Variants in CDC73 observed in about 807,000 individuals in gnomAD.
CDC73 encodes the protein cell division cycle 73, also known as parafibromin.
A neutral mutation model predicts 83.7 loss-of-function variants in CDC73; 21 were observed. The ratio of observed to expected loss-of-function variants is 0.25; its 90% CI spans 0.18 to 0.36. The LOEUF is 0.36. Among genes scored for constraint, CDC73 ranks in the 10% least tolerant of loss-of-function variants. The probability of loss-of-function intolerance (pLI) is 1.00; values close to 1 mark genes in which losing one functional copy is unlikely to be tolerated. For synonymous variants in CDC73, 224 were observed against 212.9 expected, an observed-to-expected ratio of 1.05 and a Z score of -0.45; for missense variants, 342 against 653.3, an observed-to-expected ratio of 0.52 and a Z score of 5.19.
rs181808964 is a variant in CDC73 at position 193,219,538 on chromosome 1, A to T, written c.1154+7061A>T. Among the ~76,000 whole-genome samples the T allele has an allele frequency of 1.5e-3, 226 of 152,322 alleles. 1 individual carries two copies. Among genetic ancestry groups the T allele is most frequent in the African/African-American group, 4.7e-3 (196 of 41,578 alleles). On this transcript the variant is annotated intron_variant, in intron 13 of 16. Transcript: ENST00000367435. ...TTGGATAAAGAAATCTGGTACATAC[A>T]TGCCACGGAATACTATGCAGCCATA...
chr1:193,165,965 G>A (rs1676427917), intron 10 of CDC73, among the ~76,000 whole-genome samples: 1 of 152,150 alleles, frequency 6.6e-6, no homozygotes, highest in Admixed American at 6.5e-5. Context: ...GTTATGCCTT[G>A]TAATTTTAGG....
rs905879297 is a variant in CDC73, at chr1:193,251,395, G to A, written c.*683G>A. ...TTCTATCTGTAATATCTTTCCATTT[G>A]AAAAAAATCTCAAAACACAGATTAA... is the stretch of plus-strand genomic sequence containing the variant. On this transcript the variant is annotated 3_prime_UTR_variant, in exon 17 of 17. Coordinates refer to ENST00000367435, the MANE Select transcript of CDC73 (RefSeq NM_024529.5). 1.1e-4 allele frequency: 26 copies of A among 231,560 alleles called. No individual in the cohort carries two copies. The highest frequency in any genetic ancestry group is 1.8e-4 in the Non-Finnish European group (21 of 116,850). 14.3% of individuals were successfully genotyped at this position (231,560 alleles called of 1,614,324 possible). A position where few individuals can be genotyped will look rare whatever the true frequency, so the allele number is the denominator to read the frequency against.
chr1:193,220,619 T>C (rs1435567231), intron 13 of CDC73, among the ~76,000 whole-genome samples: 1 of 152,210 alleles, frequency 6.6e-6, no homozygotes, highest in Non-Finnish European at 1.5e-5. Flanking sequence ...AAAATCTAGG[T>C]ATCCCGGCAC....
At chr1:193,250,440 C>G (rs1371223323) in intron 16 of CDC73, among the ~76,000 whole-genome samples, 1 of 151,758 alleles carries the variant, frequency 6.6e-6, no homozygotes, top group African/African-American at 2.4e-5. Context: ...GTGCAAGTCT[C>G]TCATATCTGT....
intron 10 of CDC73, among the ~76,000 whole-genome samples, chr1:193,158,123 A>T (rs965738016): frequency 7.1e-6 from 1 of 139,912 alleles, no homozygotes; most frequent in Admixed American, 7.1e-5. Context: ...ATTGTTAATG[A>T]TATAATTTTC....
rs532443577 is a variant in CDC73, at chr1:193,199,804, T to A, written c.973-3991T>A. On this transcript the variant is annotated intron_variant, in intron 10 of 16. Transcript: ENST00000367435. ...GAATTCATAGGAATAAGTTACTTTT[T>A]AAAATAAAGGTAAAAGCATTCAAGG... Among the ~76,000 whole-genome samples, 15 of 152,226 alleles carry A rather than the reference T, an allele frequency of 9.9e-5. No homozygotes were observed. The East Asian group carries it at 2.9e-3, about 29-fold the overall frequency.
intron 11 of CDC73, among the ~76,000 whole-genome samples, chr1:193,204,205 GTGTATATATATGTATATATA>G (rs10547632): frequency 1.1e-3 from 15 of 13,972 alleles, no homozygotes; most frequent in Non-Finnish European, 2.0e-3. Context: ...ATATATATAC[GTGTATATATATGTATATATA>G]TGTATATATA....
At chr1:193,124,080 A>G (rs1675519298) in intron 1 of CDC73, among the ~76,000 whole-genome samples, 1 of 152,282 alleles carries the variant, frequency 6.6e-6, no homozygotes, top group Non-Finnish European at 1.5e-5. Flanking sequence ...TTAAAGGCAT[A>G]AAGAACTGGA....
At chr1:193,169,984 T>G (rs1007769087) in intron 10 of CDC73, among the ~76,000 whole-genome samples, 9 of 152,164 alleles carry the variant, frequency 5.9e-5, no homozygotes, top group Non-Finnish European at 1.3e-4. Flanking sequence ...GTATGTGTGA[T>G]TCCCCTCTAT....
chr1:193,234,175 TCACACACA>T (rs71111461), intron 14 of CDC73, among the ~76,000 whole-genome samples: 5,026 of 101,202 alleles, frequency 0.05, 159 homozygotes, highest in African/African-American at 0.073. Context: ...TCTCTCTCTC[TCACACACA>T]CACACACACA....
intron 6 of CDC73, among the ~76,000 whole-genome samples, chr1:193,139,962 C>A (rs1403407696): frequency 6.6e-6 from 1 of 152,196 alleles, no homozygotes; most frequent in East Asian, 1.9e-4. Context: ...ATAGTTTCTT[C>A]ATATTTGTGC....
chr1:193,143,729 G>A (rs1482187998), intron 7 of CDC73, among the ~76,000 whole-genome samples: 2 of 152,100 alleles, frequency 1.3e-5, no homozygotes, highest in Non-Finnish European at 2.9e-5. Context: ...GGTACTTAAA[G>A]CCCTGTGGGT....
rs1186175224 is a variant in CDC73 at position 193,161,653 on chromosome 1, A to AATATATAT, written c.972+9215_972+9216insATATATAT. On this transcript the variant is annotated intron_variant, in intron 10 of 16. Coordinates refer to ENST00000367435, the MANE Select transcript of CDC73 (RefSeq NM_024529.5). Reference sequence around the variant, plus strand: ...ATATATAATATATTATATAATATATAATATATTATATATCTATCATATAAT... The same window carrying AATATATAT: ...ATATATAATATATTATATAATATATAATATATATATATATTATATATCTATCATATAAT... Among the ~76,000 whole-genome samples the AATATATAT allele has an allele frequency of 1.1e-4, 8 of 72,768 alleles. 3 individuals carry two copies. The highest frequency in any genetic ancestry group is 4.2e-4 in the African/African-American group (8 of 18,994). 47.7% of individuals were successfully genotyped at this position (72,768 alleles called of 152,430 possible).
At chr1:193,229,506 T>C (rs1677621349) in intron 13 of CDC73, among the ~76,000 whole-genome samples, 1 of 152,178 alleles carries the variant, frequency 6.6e-6, no homozygotes, top group Non-Finnish European at 1.5e-5. Context: ...ATAATACGGT[T>C]TACAAACCAG....
chr1:193,140,348 G>A (rs1175198898), intron 6 of CDC73, among the ~76,000 whole-genome samples: 1 of 152,262 alleles, frequency 6.6e-6, no homozygotes, highest in East Asian at 1.9e-4. Flanking sequence ...ATGTTTCAAA[G>A]TCCATTGGAG....
chr1:193,246,879 A>G (rs764418649), intron 15 of CDC73, among the ~76,000 whole-genome samples: 1 of 152,112 alleles, frequency 6.6e-6, no homozygotes, highest in Non-Finnish European at 1.5e-5. Context: ...ATTATTTTGC[A>G]CGATGCAGTT....
intron 10 of CDC73, among the ~76,000 whole-genome samples, chr1:193,172,367 G>T (rs952756764): frequency 1.5e-4 from 22 of 151,492 alleles, no homozygotes; most frequent in Admixed American, 1.4e-3. Flanking sequence ...GCAGTGGAAA[G>T]ATAAGCAGTT....
intron 7 of CDC73, among the ~76,000 whole-genome samples, chr1:193,142,683 T>TC (rs1675927689): frequency 6.6e-6 from 1 of 152,032 alleles, no homozygotes; most frequent in Middle Eastern, 3.2e-3. Context: ...TTCCCTCACT[T>TC]CCTTTTCCCT....
At chr1:193,214,635 C>T (rs1319887177) in intron 13 of CDC73, among the ~76,000 whole-genome samples, 7 of 152,158 alleles carry the variant, frequency 4.6e-5, no homozygotes, top group Admixed American at 6.5e-5. Context: ...AGGAGAATGG[C>T]GTGAACCTGG....
Sources: allele counts gnomAD v4.1 joint callset (sites outside exome capture counted in the v4.1 genomes callset), GRCh38; gene constraint gnomAD v4.1.1; transcripts MANE v1.5; gene names NCBI Gene and HGNC (gene_info 2026-07-23, HGNC 2026-07-21).